Variants in UBR4 observed in about 807,000 individuals in gnomAD.
UBR4 encodes the protein E3 ubiquitin-protein ligase UBR4.
Under a neutral mutation model 575.6 loss-of-function variants are expected in UBR4, and 124 were observed. The ratio of observed to expected loss-of-function variants is 0.22; its 90% confidence interval spans 0.19 to 0.25. UBR4 has a LOEUF of 0.25. Ranked by LOEUF, UBR4 falls within the 10% of genes least tolerant of loss-of-function variation. UBR4 has a pLI of 1.00. For synonymous variants in UBR4, 2,455 were observed against 2,473.7 expected, an observed-to-expected ratio of 0.99 and a Z score of 0.22; for missense variants, 4,818 against 6,478.8, an observed-to-expected ratio of 0.74 and a Z score of 8.80.
chr1:19,184,263 T>C, intron 15 of UBR4, 88 bp from the exon 16 acceptor site: 1 of 1,364,752 alleles, frequency 7.3e-7, no homozygotes, highest in Non-Finnish European at 1.0e-6. Flanking sequence ...AAATAAAATA[T>C]GCTCATAGGT....
chr1:19,094,807 T>C (rs2077868533), intron 94 of UBR4, 99 bp downstream of exon 94: 2 of 1,499,470 alleles, frequency 1.3e-6, no homozygotes, highest in East Asian at 2.3e-5. Context: ...GCTCCGCCAT[T>C]CTCAGGTGGG....
At position 19,139,167 on chromosome 1, in the gene UBR4, G is replaced by A. The variant is rs1353860572; in HGVS notation, c.8647C>T (p.Arg2883Trp). The A allele has an allele frequency of 3.1e-6, 5 of 1,614,002 alleles. No individual in the cohort carries two copies. Among genetic ancestry groups the A allele is most frequent in the South Asian group, 2.2e-5 (2 of 91,062 alleles). ...STAATDGSTL[R>W]TSPADHGGSV... ...CCACCGTGGTCAGCAGGAGAGGTCCGAAGGGTAGAACCATCTGTCGCTGCT... is the reference window on the plus strand; with the variant it reads ...CCACCGTGGTCAGCAGGAGAGGTCCAAAGGGTAGAACCATCTGTCGCTGCT... The change falls in exon 59 of 106, where the codon CGG becomes TGG. Residue 2883 changes from arginine (R) to tryptophan (W), a missense_variant. Coordinates refer to ENST00000375254, the MANE Select transcript of UBR4 (RefSeq NM_020765.3). This position sits in a 1 kb window ranked among gnomAD's most constrained non-coding sequence, Gnocchi z 4.2.
chr1:19,182,086 AGTATCATGTCTTTACGGTTTATCCATGTT>A (rs2091023008), intron 17 of UBR4, among the ~76,000 whole-genome samples: 1 of 152,340 alleles, frequency 6.6e-6, no homozygotes, highest in Non-Finnish European at 1.5e-5. Flanking sequence ...TGACTAATTT[AGTATCATGTCTTTACGGTTTATCCATGTT>A]GTAGCATGTG....
chr1:19,131,245 A>T (rs2082399479), intron 60 of UBR4, among the ~76,000 whole-genome samples: 4 of 22,478 alleles, frequency 1.8e-4, no homozygotes, highest in Non-Finnish European at 3.9e-4. Flanking sequence ...TTGAAACTTA[A>T]AAAAAAAAAA....
intron 81 of UBR4, among the ~76,000 whole-genome samples, chr1:19,107,214 T>C (rs2079311487): frequency 6.6e-6 from 1 of 152,188 alleles, no homozygotes; most frequent in East Asian, 1.9e-4. Context: ...TGTGGCTGGC[T>C]TCCTACAATC....
Position 19,135,265 on chromosome 1 carries a change from A to C in UBR4, c.8906+2742T>G, listed in dbSNP as rs375962813. Among the ~76,000 whole-genome samples, 6 of 152,286 alleles carry C rather than the reference A, an allele frequency of 3.9e-5. No homozygotes were observed. In the East Asian group the frequency reaches 9.7e-4, roughly 25 times the overall value. On this transcript the variant is annotated intron_variant, in intron 60 of 105. Coordinates refer to ENST00000375254, the MANE Select transcript of UBR4 (RefSeq NM_020765.3). ...TTTCTGAACTCCAGCCCATTCCACT[A>C]ATCTATTTGTCTATCTTCATACCAT... is the stretch of plus-strand genomic sequence containing the variant.
rs1347681547 is a variant in UBR4, at chr1:19,097,628, T to C, written c.13303-348A>G. 2.0e-5 allele frequency among the ~76,000 whole-genome samples: 3 copies of C among 152,224 alleles called. No individual in the cohort carries two copies. In the East Asian group the frequency reaches 5.8e-4, roughly 29 times the overall value. On this transcript the variant is annotated intron_variant, in intron 90 of 105. Transcript: ENST00000375254. ...AAGTACTTTCTATGATCCTTTTACA[T>C]AAGGTTACACAGCTTGTTCAAGGTT...
rs2084617324 is a variant in UBR4 at position 19,144,803 on chromosome 1, G to C, written c.8050C>G (p.Gln2684Glu). The C allele has an allele frequency of 6.2e-7, 1 of 1,614,036 alleles. No homozygotes were observed. Among genetic ancestry groups the C allele is most frequent in the African/African-American group, 1.3e-5 (1 of 74,942 alleles). ...CTACGTACAGGACACAAGAGCATCTGCATGTAGATCTTGGATGCTGTGTTA... is the reference window on the plus strand; with the variant it reads ...CTACGTACAGGACACAAGAGCATCTCCATGTAGATCTTGGATGCTGTGTTA... Reference protein sequence around the residue: ...CINTASKIYMQMLLCPDPAVS... With the variant: ...CINTASKIYMEMLLCPDPAVS... Residue 2684 changes from glutamine to glutamate, a missense_variant, in exon 54 of 106, where the codon CAG becomes GAG. By Grantham distance (29) the Gln-to-Glu change is conservative (BLOSUM62 2). Coordinates refer to ENST00000375254, the MANE Select transcript of UBR4 (RefSeq NM_020765.3).
rs555260558 is a variant in UBR4 at position 19,172,271 on chromosome 1, C to A, written c.3521+593G>T. Among the ~76,000 whole-genome samples the A allele has an allele frequency of 6.5e-4, 98 of 151,874 alleles. 1 individual carries two copies. The East Asian group carries it at 0.018, about 29-fold the overall frequency. On this transcript the variant is annotated intron_variant, in intron 25 of 105. Transcript: ENST00000375254. ...GTGGCTCATGCCTGTAATCCCAGCA[C>A]TTTGGGAGGCTGAGGTGGGTAGATC...
chr1:19,088,875 G>T lies in UBR4; in HGVS notation c.14314C>A (p.Arg4772=). 6.2e-7 allele frequency: 1 copy of T among 1,614,156 alleles called. No homozygotes were observed. ...TLAENLLEAL[R]EHPDVNKKID... is the part of the protein sequence containing the mutation. The stretch of plus-strand genomic sequence containing the variant: ...TTCTTGTTTACGTCAGGGTGTTCCC[G>T]CAGGGCTTCCAGCAGGTTCTCTGCC... The change falls in exon 98 of 106, where the codon CGG becomes AGG. Residue 4772 remains arginine (R), a synonymous_variant. Coordinates refer to ENST00000375254, the MANE Select transcript of UBR4 (RefSeq NM_020765.3). This position sits in a 1 kb window ranked among gnomAD's most constrained non-coding sequence, Gnocchi z 4.0.
chr1:19,198,817 C>T lies in UBR4; in HGVS notation c.490G>A (p.Val164Met). The change falls in exon 4 of 106, where the codon GTG (valine) becomes ATG (methionine). Residue 164 changes from valine (V) to methionine (M), a missense_variant. Physicochemically the swap from Val to Met is conservative, Grantham distance 21. Transcript: ENST00000375254. The stretch of plus-strand genomic sequence containing the variant: ...CACCCACCGTCTGAAAGTGTCTTCA[C>T]TGTTTGGGGCAGCTTGGCGGATTTC... ...MMKSAKLPQT[V>M]KTLSDVEDQK... 17 of 1,614,226 alleles carry T rather than the reference C, an allele frequency of 1.1e-5. No individual in the cohort carries two copies. The highest frequency in any genetic ancestry group is 1.4e-5 in the Non-Finnish European group (17 of 1,180,046).
chr1:19,194,861 C>G (rs1206330584), intron 8 of UBR4, among the ~76,000 whole-genome samples: 1 of 151,906 alleles, frequency 6.6e-6, no homozygotes, highest in African/African-American at 2.4e-5. Flanking sequence ...GAAGCAGGCA[C>G]AGTCGACTCC....
Position 19,198,530 on chromosome 1 carries a change from A to C in UBR4, c.648+11T>G. On this transcript the variant is annotated intron_variant, in intron 5 of 105. Transcript: ENST00000375254. ...CCACAGAGAAGAAGACATTTGACTA[A>C]AGAAACTCACCAGAGTCTGTGTACT... 6.2e-7 allele frequency: 1 copy of C among 1,609,340 alleles called. No homozygotes were observed. Among genetic ancestry groups the C allele is most frequent in the Non-Finnish European group, 8.5e-7 (1 of 1,176,862 alleles).
intron 36 of UBR4, 45 bp from the exon 37 acceptor site, chr1:19,161,781 A>C (rs1229975328): frequency 1.2e-6 from 2 of 1,613,924 alleles, no homozygotes; most frequent in Admixed American, 3.3e-5. Context: ...AGTCCCAACA[A>C]TCGGTGCCCA....
rs964274208 is a variant in UBR4 at position 19,105,856 on chromosome 1, G to A, written c.12394-14C>T. 7.0e-6 allele frequency: 11 copies of A among 1,563,594 alleles called. No individual in the cohort carries two copies. Among genetic ancestry groups the A allele is most frequent in the African/African-American group, 2.7e-5 (2 of 72,978 alleles). ...AGTGAAAAGCACCTGCAGGACAGGGGAGAGAAGGGGTCGTAGACTCAGAGG... is the reference window on the plus strand; with the variant it reads ...AGTGAAAAGCACCTGCAGGACAGGGAAGAGAAGGGGTCGTAGACTCAGAGG... On this transcript the variant is annotated splice_polypyrimidine_tract_variant and intron_variant, in intron 83 of 105. Coordinates refer to ENST00000375254, the MANE Select transcript of UBR4 (RefSeq NM_020765.3).
At chr1:19,123,106 A>G (rs1167904502) in intron 65 of UBR4, 46 bp from the exon 66 acceptor site, 19 of 1,590,716 alleles carry the variant, frequency 1.2e-5, no homozygotes, top group Non-Finnish European at 1.6e-5. Flanking sequence ...CTGGGACTGT[A>G]TCTATATCAA....
At chr1:19,092,616 G>A (rs1170514125) in intron 97 of UBR4, 2 of 497,420 alleles carry the variant, frequency 4.0e-6, no homozygotes, top group Non-Finnish European at 7.0e-6. Context: ...ATTAGACAAT[G>A]AAGCCCCACT....
At chr1:19,120,110 A>C in intron 69 of UBR4, 70 bp downstream of exon 69, 1 of 1,556,598 alleles carries the variant, frequency 6.4e-7, no homozygotes, top group East Asian at 2.3e-5. Flanking sequence ...AACCGAAAAC[A>C]AAATAGAACT....
chr1:19,182,344 A>ATT (rs35107779), intron 17 of UBR4, among the ~76,000 whole-genome samples: 8 of 148,906 alleles, frequency 5.4e-5, no homozygotes, highest in African/African-American at 7.4e-5. Flanking sequence ...TAGTAATTCT[A>ATT]TTTTTTTTTT....
Sources: gnomAD v4.1 joint callset for allele counts (sites outside exome capture counted in the v4.1 genomes callset) on GRCh38, gnomAD v4.1.1 for gene constraint, Gnocchi (gnomAD v3.1) non-coding constraint, MANE v1.5 for transcripts, NCBI Gene and HGNC (gene_info 2026-07-23, HGNC 2026-07-21) for gene names.